The following ERCC6L2 variants were observed in gnomAD, a reference collection of about 807,000 sequenced individuals.
The protein encoded by ERCC6L2 is DNA excision repair protein ERCC-6-like 2.
Under a neutral mutation model 132.0 loss-of-function variants are expected in ERCC6L2, and 77 were observed. The observed-to-expected ratio is 0.58, with a 90% CI of 0.49 to 0.71. The LOEUF (loss-of-function observed/expected upper bound fraction) is 0.71. ERCC6L2 is among the 30% of genes least tolerant of loss of function. ERCC6L2 has a pLI of 0.00. For missense variants in ERCC6L2, 1,542 were observed against 1,837.6 expected, an observed-to-expected ratio of 0.84 and a Z score of 2.94; for synonymous variants, 583 against 632.4, an observed-to-expected ratio of 0.92 and a Z score of 1.17.
intron 3 of ERCC6L2, among the ~76,000 whole-genome samples, chr9:95,901,509 A>G (rs1360851018): frequency 6.6e-6 from 1 of 152,008 alleles, no homozygotes; most frequent in Non-Finnish European, 1.5e-5. Context: ...AGTCTTTCCA[A>G]CTACCTTAGC....
At chr9:95,896,635 G>T (rs142564469) in intron 2 of ERCC6L2, among the ~76,000 whole-genome samples, 1 of 151,924 alleles carries the variant, frequency 6.6e-6, no homozygotes, top group East Asian at 1.9e-4. Flanking sequence ...TGTTGCCCAC[G>T]CTGGTCTCAA....
At position 96,004,552 on chromosome 9, in the gene ERCC6L2, G is replaced by A; in HGVS notation, c.3525G>A (p.Leu1175=). The part of the protein sequence containing the change: ...TYKEKVDADT[L]PHTKKGQQPS... ...AAGAAAAAGTGGATGCAGATACATT[G>A]CCACACACAAAGAAAGGCCAGCAAC... The change falls in exon 18 of 19, where the codon TTG becomes TTA. Residue 1175 remains leucine, a synonymous_variant. Transcript: ENST00000653738. 1 of 1,307,796 alleles carries A rather than the reference G, an allele frequency of 7.6e-7. No homozygotes were observed. The highest frequency in any genetic ancestry group is 1.0e-6 in the Non-Finnish European group (1 of 990,156). 81.0% of individuals were successfully genotyped at this position (1,307,796 alleles called of 1,614,324 possible). A position where few individuals can be genotyped will look rare whatever the true frequency, so the allele number is the denominator to read the frequency against.
rs1468101385 is a variant in ERCC6L2 at position 95,972,294 on chromosome 9, A to G, written c.2543A>G (p.His848Arg). ...KNQDSLGTSK[H>R]QKLDNILNPK... ...CAGGACTCTCTTGGTACTTCAAAAC[A>G]TCAGAAATTAGATAACATCCTAAAT... Residue 848 changes from histidine to arginine, a missense_variant, in exon 16 of 19, where the codon CAT becomes CGT. His to Arg is a conservative substitution (Grantham distance 29, BLOSUM62 0). This residue lies in a region of ERCC6L2 where 945 missense variants were observed against 1,105.2 expected (regional missense o/e 0.86). Coordinates refer to ENST00000653738, the MANE Select transcript of ERCC6L2 (RefSeq NM_020207.7). 1.5e-6 allele frequency: 2 copies of G among 1,297,172 alleles called. No individual in the cohort carries two copies. The highest frequency in any genetic ancestry group is 2.0e-6 in the Non-Finnish European group (2 of 986,888). 80.4% of individuals were successfully genotyped at this position (1,297,172 alleles called of 1,614,324 possible). A position where few individuals can be genotyped will look rare whatever the true frequency, so the allele number is the denominator to read the frequency against.
intron 12 of ERCC6L2, among the ~76,000 whole-genome samples, chr9:95,950,745 A>G (rs1831292763): frequency 6.6e-6 from 1 of 152,210 alleles, no homozygotes; most frequent in African/African-American, 2.4e-5. Flanking sequence ...GAAGAAAGAC[A>G]TTATCTGATG....
intron 19 of ERCC6L2, among the ~76,000 whole-genome samples, chr9:96,029,153 A>C (rs1218465997): frequency 6.6e-6 from 1 of 151,784 alleles, no homozygotes; most frequent in East Asian, 1.9e-4. Context: ...AAATACAAAA[A>C]ATTAGCCGGG....
At chr9:96,003,146 T>C (rs1198330060) in intron 17 of ERCC6L2, among the ~76,000 whole-genome samples, 2 of 152,240 alleles carry the variant, frequency 1.3e-5, no homozygotes, top group South Asian at 2.1e-4. Flanking sequence ...TGCTTTATTA[T>C]AGGTAATTCC....
At chr9:95,983,346 T>G (rs184576700) in intron 17 of ERCC6L2, among the ~76,000 whole-genome samples, 61 of 152,350 alleles carry the variant, frequency 4.0e-4, no homozygotes, top group Non-Finnish European at 1.0e-4. Flanking sequence ...AGTAGTTTGA[T>G]TCCAACTCTT....
At chr9:95,886,487 C>A (rs1331587487) in intron 2 of ERCC6L2, among the ~76,000 whole-genome samples, 1 of 152,132 alleles carries the variant, frequency 6.6e-6, no homozygotes, top group Non-Finnish European at 1.5e-5. Flanking sequence ...TAATAATTTT[C>A]ATTTCTATTC....
In ERCC6L2 at chr9:95,896,004, G is replaced by A. The variant is rs73534633; in HGVS notation, c.472-1845G>A. Among the ~76,000 whole-genome samples, 437 of 152,256 alleles carry A rather than the reference G, an allele frequency of 2.9e-3. 3 individuals carry two copies. The highest frequency in any genetic ancestry group is 0.01 in the African/African-American group (426 of 41,540). On this transcript the variant is annotated intron_variant, in intron 2 of 18. Coordinates refer to ENST00000653738, the MANE Select transcript of ERCC6L2 (RefSeq NM_020207.7). ...GCCTCCCAAAGTGCTGGGATTACAG[G>A]CTGTCATAGCTTTTAACCTGTTACT...
Position 95,943,250 on chromosome 9 carries a change from A to G in ERCC6L2, c.1847+1701A>G, listed in dbSNP as rs576939343. Among the ~76,000 whole-genome samples, 8 of 152,258 alleles carry G rather than the reference A, an allele frequency of 5.3e-5. No homozygotes were observed. In the South Asian group the frequency reaches 1.7e-3, roughly 32 times the overall value. On this transcript the variant is annotated intron_variant, in intron 12 of 18. Transcript: ENST00000653738. ...ACTAAAATGTTATATAAATTTTGAT[A>G]ATTGTCAGAATAAGGGTAGAGGTGG... is the stretch of plus-strand genomic sequence containing the variant.
intron 17 of ERCC6L2, among the ~76,000 whole-genome samples, chr9:95,984,477 C>A (rs1415816748): frequency 6.6e-6 from 1 of 151,942 alleles, no homozygotes; most frequent in African/African-American, 2.4e-5. Flanking sequence ...CAAGATCTAC[C>A]TCAAATGCGT....
At chr9:95,949,874 G>A (rs1180193820) in intron 12 of ERCC6L2, among the ~76,000 whole-genome samples, 12 of 152,124 alleles carry the variant, frequency 7.9e-5, no homozygotes, top group Admixed American at 7.2e-4. Context: ...CAGGCATGGT[G>A]GCAGGCGCCT....
chr9:95,881,190 T>G lies in ERCC6L2; in HGVS notation c.368T>G (p.Leu123Trp). ...DSIPYTINRY[L>W]RDYQREGTRF... ...ATTCCTTATACCATCAATAGGTATTTGAGAGACTACCAAAGAGAAGGAACC... is the reference window on the plus strand; with the variant it reads ...ATTCCTTATACCATCAATAGGTATTGGAGAGACTACCAAAGAGAAGGAACC... The change falls in exon 2 of 19, where the codon TTG (leucine) becomes TGG (tryptophan). Residue 123 changes from leucine (L) to tryptophan (W), a missense_variant. Leu to Trp is a moderately conservative substitution (Grantham distance 61). Coordinates refer to ENST00000653738, the MANE Select transcript of ERCC6L2 (RefSeq NM_020207.7). 1 of 1,612,458 alleles carries G rather than the reference T, an allele frequency of 6.2e-7. No individual in the cohort carries two copies. Among genetic ancestry groups the G allele is most frequent in the Non-Finnish European group, 8.5e-7 (1 of 1,179,584 alleles).
intron 5 of ERCC6L2, 96 bp from the exon 6 acceptor site, chr9:95,916,131 G>A (rs1321033127): frequency 1.1e-5 from 13 of 1,147,738 alleles, no homozygotes; most frequent in African/African-American, 1.6e-5. Context: ...TTTTGTTACC[G>A]TTGATAATCA....
intron 17 of ERCC6L2, 39 bp downstream of exon 17, chr9:95,978,254 C>A (rs1291949454): frequency 1.6e-6 from 2 of 1,269,220 alleles, no homozygotes; most frequent in East Asian, 5.1e-5. Flanking sequence ...TTAGTTACCT[C>A]ATTTTTCACA....
At chr9:96,018,922 C>G (rs937574839), downstream of ERCC6L2, among the ~76,000 whole-genome samples, 4 of 152,184 alleles carry the variant, frequency 2.6e-5, no homozygotes, top group Non-Finnish European at 4.4e-5. Context: ...AGATAAGAAT[C>G]AAGAATGCTT....
chr9:95,978,709 G>A (rs1463718640), intron 17 of ERCC6L2, among the ~76,000 whole-genome samples: 1 of 152,080 alleles, frequency 6.6e-6, no homozygotes, highest in African/African-American at 2.4e-5. Context: ...AATTGCTGTT[G>A]TGATATTTTT....
At chr9:95,977,971 T>C in intron 16 of ERCC6L2, 90 bp from the exon 17 acceptor site, 1 of 831,490 alleles carries the variant, frequency 1.2e-6, no homozygotes, top group Non-Finnish European at 1.6e-6. Flanking sequence ...GATGTTTCTC[T>C]TGAGTATTAA....
intron 1 of ERCC6L2, among the ~76,000 whole-genome samples, chr9:95,878,081 C>T (rs1332357072): frequency 6.6e-6 from 1 of 152,184 alleles, no homozygotes; most frequent in Non-Finnish European, 1.5e-5. Context: ...ACTGGTTAGG[C>T]ATAATTTAGG....
Sources: gnomAD v4.1 joint callset for allele counts (sites outside exome capture counted in the v4.1 genomes callset) on GRCh38, gnomAD v4.1.1 for gene constraint, gnomAD v4.1.1 regional missense constraint, MANE v1.5 for transcripts, NCBI Gene and HGNC (gene_info 2026-07-23, HGNC 2026-07-21) for gene names.